BOD1L1: variants seen among roughly 807,000 people sequenced by gnomAD.
BOD1L1 encodes the protein biorientation of chromosomes in cell division protein 1-like 1.
In BOD1L1, 86 loss-of-function variants were observed where a neutral mutation model predicts 240.7. The ratio of observed to expected loss-of-function variants is 0.36; its 90% CI spans 0.30 to 0.43. BOD1L1 has a LOEUF of 0.43. Ranked by LOEUF, BOD1L1 falls within the 20% of genes least tolerant of loss-of-function variation. The pLI, the probability that BOD1L1 is intolerant of heterozygous loss-of-function variation, is 1.00. For synonymous variants in BOD1L1, 1,268 were observed against 1,272.3 expected (o/e 1.00, Z 0.07); for missense variants, 3,554 against 3,643.5 (o/e 0.98, Z 0.63).
In BOD1L1 at chr4:13,602,994, A is replaced by C; in HGVS notation, c.3906T>G (p.Pro1302=). 1 of 1,614,024 alleles carries C rather than the reference A, an allele frequency of 6.2e-7. No homozygotes were observed. The change falls in exon 10 of 26, where the codon CCT becomes CCG. Residue 1302 remains proline (P), a synonymous_variant. Coordinates refer to ENST00000040738, the MANE Select transcript of BOD1L1 (RefSeq NM_148894.3). ...LRESYDPDVI[P]LFDKRTVLEG... is the part of the protein sequence containing the mutation. ...CCAAAACAGTTCTTTTGTCAAACAG[A>C]GGAATTACATCTGGATCATACGATT...
chr4:13,576,965 G>C lies in BOD1L1; in HGVS notation c.8911C>G (p.Gln2971Glu). ...TCCACTGGATCAGAAACTGATTTCT[G>C]GCGTTTTCTTTCTGGCTCTGAGGAT... is the stretch of plus-strand genomic sequence containing the variant. Reference protein sequence around the residue: ...AESSEPERKRQKSVSDPVEDK... With the variant: ...AESSEPERKREKSVSDPVEDK... Residue 2971 changes from glutamine to glutamate, a missense_variant, in exon 25 of 26, where the codon CAG becomes GAG. This residue lies in a region of BOD1L1 where 3,393 missense variants were observed against 3,427.1 expected (regional missense o/e 0.99). Transcript: ENST00000040738. 6.2e-7 allele frequency: 1 copy of C among 1,613,866 alleles called. No individual in the cohort carries two copies. The highest frequency in any genetic ancestry group is 1.1e-5 in the South Asian group (1 of 91,066).
chr4:13,587,233 G>C (rs530363359), intron 16 of BOD1L1, among the ~76,000 whole-genome samples: 50 of 152,282 alleles, frequency 3.3e-4, no homozygotes, highest in African/African-American at 1.1e-3. Flanking sequence ...CATGTGGCTA[G>C]TAGCTTCTGT....
intron 24 of BOD1L1, 63 bp from the exon 25 acceptor site, chr4:13,577,054 A>T: frequency 3.8e-6 from 6 of 1,562,766 alleles, no homozygotes; most frequent in Non-Finnish European, 5.2e-6. Flanking sequence ...CAAGAGAGAG[A>T]GTCATGGAGT....
chr4:13,611,111 G>GT lies in BOD1L1; in HGVS notation c.1325-12dup. 1 of 1,574,000 alleles carries GT rather than the reference G, an allele frequency of 6.4e-7. No homozygotes were observed. The highest frequency in any genetic ancestry group is 2.2e-5 in the East Asian group (1 of 44,592). ...TGTTCTTCTCTTCATCTGTAAGAAA[G>GT]TTAATAGAAAGAGGAGTATGTCTGT... On this transcript the variant is annotated splice_polypyrimidine_tract_variant and intron_variant, in intron 5 of 25. Transcript: ENST00000040738.
intron 21 of BOD1L1, among the ~76,000 whole-genome samples, chr4:13,580,816 A>C (rs574941200): frequency 1.3e-5 from 2 of 152,306 alleles, no homozygotes; most frequent in African/African-American, 2.4e-5. Flanking sequence ...CAAACTCCTG[A>C]ATTAGAATGG....
intron 8 of BOD1L1, 107 bp downstream of exon 8, chr4:13,608,423 T>G (rs1436055140): frequency 3.0e-6 from 3 of 1,001,108 alleles, no homozygotes; most frequent in Non-Finnish European, 4.1e-6. Flanking sequence ...AAACATGCAG[T>G]AACATACACA....
chr4:13,623,894 A>C (rs1717206845), intron 1 of BOD1L1: 1 of 152,218 alleles, frequency 6.6e-6, no homozygotes, highest in Admixed American at 6.5e-5. Flanking sequence ...GATGAAACTC[A>C]AGGATTCCAT....
rs1457516717 is a variant in BOD1L1, at chr4:13,601,792, C to T, written c.5108G>A (p.Ser1703Asn). 6.2e-7 allele frequency: 1 copy of T among 1,614,016 alleles called. No individual in the cohort carries two copies. Among genetic ancestry groups the T allele is most frequent in the Non-Finnish European group, 8.5e-7 (1 of 1,179,906 alleles). ...AGTEIRAGSI[S>N]SEEVDGSQGN... The stretch of plus-strand genomic sequence containing the variant: ...CTGGGAGCCATCCACCTCTTCACTG[C>T]TTATAGATCCTGCTCTTATCTCTGT... Residue 1703 changes from serine (S) to asparagine (N), a missense_variant, in exon 10 of 26, where the codon AGC becomes AAC. By Grantham distance (46) the Ser-to-Asn change is conservative. Around this residue, in one of 2 missense-constraint regions of BOD1L1, gnomAD observed 3,393 missense variants for 3,427.1 expected, o/e 0.99. Transcript: ENST00000040738.
intron 13 of BOD1L1, among the ~76,000 whole-genome samples, chr4:13,591,526 G>C (rs1328778146): frequency 1.3e-5 from 2 of 152,058 alleles, no homozygotes; most frequent in East Asian, 3.8e-4. Context: ...GCCACATCTG[G>C]GAAAAAATAT....
At position 13,581,004 on chromosome 4, in the gene BOD1L1, T is replaced by TTTTG; in HGVS notation, c.8703+12_8703+15dup. Reference sequence around the variant, plus strand: ...AGAGCAAGTATTTGAAATTGTCATGTTTTGCAATTACTTACAGTGACAATG... The same window carrying TTTTG: ...AGAGCAAGTATTTGAAATTGTCATGTTTTGTTTGCAATTACTTACAGTGACAATG... On this transcript the variant is annotated intron_variant, in intron 21 of 25. Coordinates refer to ENST00000040738, the MANE Select transcript of BOD1L1 (RefSeq NM_148894.3). 3.2e-6 allele frequency: 5 copies of TTTTG among 1,569,044 alleles called. No homozygotes were observed. The highest frequency in any genetic ancestry group is 4.3e-6 in the Non-Finnish European group (5 of 1,156,182).
intron 12 of BOD1L1, chr4:13,593,253 A>G (rs1417956560): frequency 6.6e-6 from 1 of 152,176 alleles, no homozygotes; most frequent in African/African-American, 2.4e-5. Context: ...CAATTTTATG[A>G]AAATACTTGG....
chr4:13,605,497 T>C (rs1715617617), intron 9 of BOD1L1, among the ~76,000 whole-genome samples: 1 of 152,176 alleles, frequency 6.6e-6, no homozygotes, highest in African/African-American at 2.4e-5. Flanking sequence ...GTAGGTGTGT[T>C]AGGAATGAGT....
rs1715435287 is a variant in BOD1L1 at position 13,603,822 on chromosome 4, C to T, written c.3078G>A (p.Lys1026=). The T allele has an allele frequency of 4.3e-6, 7 of 1,613,376 alleles. No homozygotes were observed. Among genetic ancestry groups the T allele is most frequent in the Non-Finnish European group, 5.9e-6 (7 of 1,179,876 alleles). The change falls in exon 10 of 26, where the codon AAG becomes AAA. Residue 1026 remains lysine (K), a synonymous_variant. Transcript: ENST00000040738. ...LSDGHKSRSL[K]HSSKDIKKKD... is the part of the protein sequence containing the mutation. ...TCTTTTTTATGTCTTTACTACTATGCTTTAAGCTTCTGCTTTTGTGGCCAT... is the reference window on the plus strand; with the variant it reads ...TCTTTTTTATGTCTTTACTACTATGTTTTAAGCTTCTGCTTTTGTGGCCAT...
intron 15 of BOD1L1, 21 bp downstream of exon 15, chr4:13,588,701 C>A (rs754890558): frequency 3.2e-6 from 5 of 1,557,746 alleles, no homozygotes; most frequent in Non-Finnish European, 4.4e-6. Flanking sequence ...ATATCAAACA[C>A]TTGAGTTTAT....
At position 13,586,463 on chromosome 4, in the gene BOD1L1, T is replaced by C; in HGVS notation, c.8366A>G (p.Asp2789Gly). 3 of 1,605,862 alleles carry C rather than the reference T, an allele frequency of 1.9e-6. No homozygotes were observed. Among genetic ancestry groups the C allele is most frequent in the Non-Finnish European group, 2.6e-6 (3 of 1,173,582 alleles). ...TGTTTCTATTCTGGAATCCAGGACA[T>C]CTGGATTATCATCTGTAAATCAGTT... ...SSEDEPDDNP[D>G]VLDSRIETAQ... The change falls in exon 17 of 26, where the codon GAT (aspartate) becomes GGT (glycine). Residue 2789 changes from aspartate (D) to glycine (G), a missense_variant. Physicochemically the swap from Asp to Gly is moderately conservative, Grantham distance 94. This residue lies in a region of BOD1L1 where 3,393 missense variants were observed against 3,427.1 expected (regional missense o/e 0.99). Transcript: ENST00000040738.
At chr4:13,596,302 C>A (rs954973204) in intron 11 of BOD1L1, among the ~76,000 whole-genome samples, 10 of 152,110 alleles carry the variant, frequency 6.6e-5, no homozygotes, top group Non-Finnish European at 1.5e-4. Context: ...ACGTGCCCTC[C>A]TGTCTCTGAG....
At position 13,587,647 on chromosome 4, in the gene BOD1L1, T is replaced by C. The variant is rs538592470; in HGVS notation, c.8353+52A>G. 2.5e-4 allele frequency: 335 copies of C among 1,361,778 alleles called. 2 individuals are homozygous for C. The African/African-American group carries it at 4.6e-3, about 19-fold the overall frequency. 84.4% of individuals were successfully genotyped at this position (1,361,778 alleles called of 1,614,324 possible). On this transcript the variant is annotated intron_variant, in intron 16 of 25. Transcript: ENST00000040738. ...TGTTTTTGGCTCACTCTTTTGGATA[T>C]AAAAATAATGATTTTCAAAGATGTC...
At position 13,586,485 on chromosome 4, in the gene BOD1L1, A is replaced by T. The variant is rs1713703050; in HGVS notation, c.8354-10T>A. ...ACATCTGGATTATCATCTGTAAATC[A>T]GTTTAGACAGAATCACAAAGGAACA... On this transcript the variant is annotated splice_polypyrimidine_tract_variant and intron_variant, in intron 16 of 25. Coordinates refer to ENST00000040738, the MANE Select transcript of BOD1L1 (RefSeq NM_148894.3). 6.4e-7 allele frequency: 1 copy of T among 1,567,120 alleles called. No homozygotes were observed. The highest frequency in any genetic ancestry group is 8.7e-7 in the Non-Finnish European group (1 of 1,143,396).
chr4:13,615,185 A>G, intron 3 of BOD1L1, 127 bp downstream of exon 3: 1 of 947,834 alleles, frequency 1.1e-6, no homozygotes, highest in Non-Finnish European at 1.6e-6. Flanking sequence ...AATTTAGGTG[A>G]TATTTAAAGT....
Sources: gnomAD v4.1 joint callset for allele counts (sites outside exome capture counted in the v4.1 genomes callset) on GRCh38, gnomAD v4.1.1 for gene constraint, gnomAD v4.1.1 regional missense constraint, MANE v1.5 for transcripts, NCBI Gene and HGNC (gene_info 2026-07-23, HGNC 2026-07-21) for gene names.